Variants in LYPD6B observed in about 807,000 individuals in gnomAD.
LYPD6B encodes LY6/PLAUR domain containing 6B.
In LYPD6B, 17 loss-of-function variants were observed where a neutral mutation model predicts 22.8. The ratio of observed to expected loss-of-function variants is 0.75; its 90% CI spans 0.51 to 1.12. The LOEUF (loss-of-function observed/expected upper bound fraction) is 1.12, where lower values mean the gene tolerates loss of function less well. Among genes scored for constraint, LYPD6B ranks in the 50% most tolerant of loss-of-function variants. The probability of loss-of-function intolerance (pLI) is 0.00; values close to 1 mark genes in which losing one functional copy is unlikely to be tolerated. For missense variants in LYPD6B, 221 were observed against 258.3 expected, an observed-to-expected ratio of 0.86 and a Z score of 0.99; for synonymous variants, 106 against 91.6, an observed-to-expected ratio of 1.16 and a Z score of -0.90.
intron 2 of LYPD6B, among the ~76,000 whole-genome samples, chr2:149,154,291 GA>G (rs1391597131): frequency 1.3e-5 from 2 of 152,036 alleles, no homozygotes; most frequent in African/African-American, 4.8e-5. Flanking sequence ...GGCATGTGAA[GA>G]AAAGGCAGAG....
intron 1 of LYPD6B, among the ~76,000 whole-genome samples, chr2:149,089,235 A>G (rs1017175483): frequency 1.3e-5 from 2 of 152,162 alleles, no homozygotes; most frequent in African/African-American, 2.4e-5. Context: ...AAATTAGTTC[A>G]TCTTCTGTTG....
At chr2:149,133,428 C>G (rs1228181109) in intron 2 of LYPD6B, among the ~76,000 whole-genome samples, 1 of 152,098 alleles carries the variant, frequency 6.6e-6, no homozygotes, top group East Asian at 1.9e-4. Context: ...ACTTTAGGTG[C>G]TGGAAAGGGA....
chr2:149,155,985 G>A (rs1689675374), intron 2 of LYPD6B, among the ~76,000 whole-genome samples: 3 of 152,180 alleles, frequency 2.0e-5, no homozygotes, highest in Non-Finnish European at 4.4e-5. Context: ...TCTGTAATGT[G>A]CAAGGATTTT....
At chr2:149,072,457 G>A (rs532741842) in intron 1 of LYPD6B, among the ~76,000 whole-genome samples, 1 of 150,528 alleles carries the variant, frequency 6.6e-6, no homozygotes, top group African/African-American at 2.4e-5. Context: ...GATAACACAG[G>A]AAAGGGAGAA....
chr2:149,209,955 G>A (rs1693741881), intron 5 of LYPD6B, among the ~76,000 whole-genome samples: 1 of 152,072 alleles, frequency 6.6e-6, no homozygotes, highest in South Asian at 2.1e-4. Context: ...AGTTTTCAAG[G>A]TTTGTTGATG....
At chr2:149,084,348 C>T (rs1685288492) in intron 1 of LYPD6B, among the ~76,000 whole-genome samples, 1 of 152,084 alleles carries the variant, frequency 6.6e-6, no homozygotes. Flanking sequence ...CCTCACTCAT[C>T]CTTTTTCTGA....
intron 3 of LYPD6B, among the ~76,000 whole-genome samples, chr2:149,188,965 T>C (rs1692301965): frequency 6.6e-6 from 1 of 152,148 alleles, no homozygotes; most frequent in Non-Finnish European, 1.5e-5. Flanking sequence ...ATTCTACATG[T>C]AAGGAAACTG....
chr2:149,041,945 T>C (rs979313799), intron 1 of LYPD6B, among the ~76,000 whole-genome samples: 1 of 152,132 alleles, frequency 6.6e-6, no homozygotes. Flanking sequence ...AGGGGTGGAT[T>C]GGGGTGGAGG....
At chr2:149,047,338 G>A (rs943674083) in intron 1 of LYPD6B, among the ~76,000 whole-genome samples, 46 of 151,840 alleles carry the variant, frequency 3.0e-4, no homozygotes, top group African/African-American at 1.0e-3. Context: ...CAGTTTTTAC[G>A]CTTGATCTTA....
chr2:149,049,146 C>A (rs1478159405), intron 1 of LYPD6B, among the ~76,000 whole-genome samples: 1 of 152,126 alleles, frequency 6.6e-6, no homozygotes, highest in Non-Finnish European at 1.5e-5. Flanking sequence ...TCCTAATGTG[C>A]CTTCAGTGGT....
intron 1 of LYPD6B, among the ~76,000 whole-genome samples, chr2:149,042,889 A>G (rs1489717491): frequency 3.3e-5 from 5 of 152,194 alleles, no homozygotes; most frequent in African/African-American, 1.2e-4. Flanking sequence ...AGACAGTTAA[A>G]TGTTAAATAA....
At chr2:149,109,858 C>T (rs550173970) in intron 1 of LYPD6B, among the ~76,000 whole-genome samples, 1 of 149,184 alleles carries the variant, frequency 6.7e-6, no homozygotes, top group African/African-American at 2.5e-5. Flanking sequence ...ATTACAGCTG[C>T]ATGCCACCAT....
chr2:149,057,615 C>T (rs910919679), intron 1 of LYPD6B, among the ~76,000 whole-genome samples: 2 of 152,020 alleles, frequency 1.3e-5, no homozygotes, highest in African/African-American at 4.8e-5. Context: ...TTGCAGCTCT[C>T]TAAAAGGAAA....
rs75554456 is a variant in LYPD6B, at chr2:149,178,347, A to T, written c.77+17512A>T. 7.5e-3 allele frequency among the ~76,000 whole-genome samples: 1,144 copies of T among 152,360 alleles called. 14 individuals carry two copies. Among genetic ancestry groups the T allele is most frequent in the African/African-American group, 0.023 (936 of 41,586 alleles). On this transcript the variant is annotated intron_variant, in intron 3 of 6. Coordinates refer to ENST00000409642, the MANE Select transcript of LYPD6B (RefSeq NM_177964.5). ...TTTTAGAAATTTATTTTAAAGTATT[A>T]TAAAGACAACATCTTATCACCACTG... is the stretch of plus-strand genomic sequence containing the variant.
chr2:149,041,531 G>A (rs1683088724), intron 1 of LYPD6B, among the ~76,000 whole-genome samples: 1 of 152,188 alleles, frequency 6.6e-6, no homozygotes, highest in Admixed American at 6.5e-5. Context: ...TGTAGGAGGG[G>A]CTCACCTACC....
intron 2 of LYPD6B, among the ~76,000 whole-genome samples, chr2:149,139,353 GC>G (rs964558296): frequency 1.1e-4 from 16 of 152,310 alleles, no homozygotes; most frequent in African/African-American, 3.4e-4. Flanking sequence ...CCCCTTGGTA[GC>G]TTGATTAGCA....
At position 149,214,715 on chromosome 2, in the gene LYPD6B, A is replaced by T. The variant is rs1369027540; in HGVS notation, c.*5A>T. The T allele has an allele frequency of 1.2e-6, 2 of 1,613,738 alleles. No homozygotes were observed. Among genetic ancestry groups the T allele is most frequent in the Non-Finnish European group, 1.7e-6 (2 of 1,179,808 alleles). ...TTTGTGCTTCCATTGCTGTGATGCC[A>T]CCATTCCTAGGAGAGGCAGAGACCA... On this transcript the variant is annotated 3_prime_UTR_variant, in exon 7 of 7. Transcript: ENST00000409642.
chr2:149,194,307 T>G (rs1692669458), intron 3 of LYPD6B, among the ~76,000 whole-genome samples: 1 of 152,206 alleles, frequency 6.6e-6, no homozygotes. Flanking sequence ...ATACCTCTGC[T>G]AAAACAAGCC....
At chr2:149,076,659 A>T (rs533756489) in intron 1 of LYPD6B, among the ~76,000 whole-genome samples, 1 of 152,338 alleles carries the variant, frequency 6.6e-6, no homozygotes, top group African/African-American at 2.4e-5. Flanking sequence ...TGAAAAAAAG[A>T]CAAGAAGAGA....
Sources: gnomAD v4.1 joint callset for allele counts (sites outside exome capture counted in the v4.1 genomes callset) on GRCh38, gnomAD v4.1.1 for gene constraint, MANE v1.5 for transcripts, NCBI Gene and HGNC (gene_info 2026-07-23, HGNC 2026-07-21) for gene names.